The following COLEC10 variants were observed in gnomAD, a reference collection of about 807,000 sequenced individuals.
COLEC10 encodes the protein collectin-10.
In COLEC10, 22 loss-of-function variants were observed where a neutral mutation model predicts 28.4. That is an observed-to-expected ratio of 0.78 (90% confidence interval 0.55 to 1.11). COLEC10 has a LOEUF of 1.11. Among genes scored for constraint, COLEC10 ranks in the 50% least tolerant of loss-of-function variants. COLEC10 has a pLI of 0.00. For synonymous variants in COLEC10, 125 were observed against 116.1 expected, an observed-to-expected ratio of 1.08 and a Z score of -0.49; for missense variants, 361 against 344.1, an observed-to-expected ratio of 1.05 and a Z score of -0.39.
chr8:119,045,836 T>A (rs931282847), intron 2 of COLEC10, among the ~76,000 whole-genome samples: 1 of 152,208 alleles, frequency 6.6e-6, no homozygotes, highest in East Asian at 1.9e-4. Context: ...AATAACTAGT[T>A]TCAGACAGTT....
chr8:119,013,948 C>T (rs1303498003), intron 2 of COLEC10, among the ~76,000 whole-genome samples: 1 of 150,428 alleles, frequency 6.6e-6, no homozygotes, highest in East Asian at 1.9e-4. Flanking sequence ...GTGCAAATAC[C>T]TTATCATAAC....
intron 2 of COLEC10, among the ~76,000 whole-genome samples, chr8:119,039,768 GTCA>G (rs1814459627): frequency 6.6e-6 from 1 of 152,166 alleles, no homozygotes; most frequent in African/African-American, 2.4e-5. Context: ...CATCTTCAAA[GTCA>G]GCAACATCTG....
chr8:118,987,947 T>A, the COLEC10 span, among the ~76,000 whole-genome samples: 1 of 152,204 alleles, frequency 6.6e-6, no homozygotes, highest in African/African-American at 2.4e-5. Flanking sequence ...CTTAGAACAA[T>A]AAAAGCTGAA....
At chr8:119,044,699 A>G (rs952665596) in intron 2 of COLEC10, among the ~76,000 whole-genome samples, 2 of 152,036 alleles carry the variant, frequency 1.3e-5, no homozygotes, top group East Asian at 1.9e-4. Context: ...TACTAAAAAT[A>G]TGAAAATTAG....
intron 2 of COLEC10, among the ~76,000 whole-genome samples, chr8:119,053,306 A>G (rs2130180708): frequency 6.6e-6 from 1 of 152,242 alleles, no homozygotes; most frequent in East Asian, 1.9e-4. Context: ...TGAATAGGAA[A>G]TAAGTCTTCA....
At chr8:119,058,872 T>G (rs765607950) in intron 2 of COLEC10, among the ~76,000 whole-genome samples, 7 of 152,056 alleles carry the variant, frequency 4.6e-5, no homozygotes, top group Non-Finnish European at 1.0e-4. Context: ...ACATTTTACA[T>G]CCATACCAAA....
chr8:119,069,041 A>G (rs1170321288), intron 1 of COLEC10, among the ~76,000 whole-genome samples: 1 of 152,236 alleles, frequency 6.6e-6, no homozygotes, highest in East Asian at 1.9e-4. Context: ...AATACCTACT[A>G]AGATCCAGGC....
intron 2 of COLEC10, among the ~76,000 whole-genome samples, chr8:119,013,524 A>G (rs1221074878): frequency 6.6e-6 from 1 of 150,860 alleles, no homozygotes; most frequent in Non-Finnish European, 1.5e-5. Context: ...CTTATACTAT[A>G]TCCTTACTGA....
intron 1 of COLEC10, among the ~76,000 whole-genome samples, chr8:119,069,447 T>A (rs1587037866): frequency 6.7e-6 from 1 of 150,072 alleles, no homozygotes; most frequent in African/African-American, 2.4e-5. Context: ...ATTAAAATAA[T>A]TTTTTAAAAA....
chr8:119,032,719 G>C (rs530163959), intron 2 of COLEC10, among the ~76,000 whole-genome samples: 64 of 152,138 alleles, frequency 4.2e-4, no homozygotes, highest in Non-Finnish European at 7.1e-4. Context: ...GGCTAACACG[G>C]TGAAACCCCA....
chr8:118,981,868 G>T, the COLEC10 span, among the ~76,000 whole-genome samples: 1 of 152,058 alleles, frequency 6.6e-6, no homozygotes, highest in African/African-American at 2.4e-5. Flanking sequence ...AGTTGCGAAG[G>T]ATTTGCATGA....
At chr8:119,076,828 C>T (rs1905774) in intron 1 of COLEC10, among the ~76,000 whole-genome samples, 109,566 of 152,178 alleles carry the variant, frequency 0.72, 40,537 homozygotes, top group African/African-American at 0.89. Flanking sequence ...GGTGACCAAA[C>T]GACAGGACAA....
chr8:119,043,462 C>T (rs934773960), intron 2 of COLEC10, among the ~76,000 whole-genome samples: 1 of 152,172 alleles, frequency 6.6e-6, no homozygotes, highest in East Asian at 1.9e-4. Context: ...TGTTAAAACA[C>T]CAAAGCCACC....
intron 1 of COLEC10, among the ~76,000 whole-genome samples, chr8:119,006,586 T>C (rs988474498): frequency 6.6e-6 from 1 of 152,066 alleles, no homozygotes; most frequent in African/African-American, 2.4e-5. Flanking sequence ...GTTGGTGTAA[T>C]TAATATTGGT....
the COLEC10 span, among the ~76,000 whole-genome samples, chr8:118,985,359 G>A: frequency 2.0e-5 from 3 of 152,100 alleles, no homozygotes; most frequent in East Asian, 5.8e-4. Context: ...ATGATTCTGC[G>A]ATGATCACTA....
intron 2 of COLEC10, among the ~76,000 whole-genome samples, chr8:119,044,274 T>C (rs1048915855): frequency 2.0e-5 from 3 of 152,256 alleles, no homozygotes; most frequent in African/African-American, 7.2e-5. Context: ...TCAGAAAATG[T>C]ATTCTAAAAC....
chr8:119,105,991 A>G lies in COLEC10; in HGVS notation c.634A>G (p.Asn212Asp), dbSNP rs2130313441. 1 of 1,613,866 alleles carries G rather than the reference A, an allele frequency of 6.2e-7. No homozygotes were observed. The highest frequency in any genetic ancestry group is 8.5e-7 in the Non-Finnish European group (1 of 1,179,880). Reference sequence around the variant, plus strand: ...CTTCTTTCGGGTGTTCATTGGCGTGAATGACCTTGAAAGGGAGGGACAGTA... The same window carrying G: ...CTTCTTTCGGGTGTTCATTGGCGTGGATGACCTTGAAAGGGAGGGACAGTA... ...SGFFRVFIGV[N>D]DLEREGQYMF... is the part of the protein sequence containing the mutation. The change falls in exon 6 of 6, where the codon AAT (asparagine) becomes GAT (aspartate). Residue 212 changes from asparagine (N) to aspartate (D), a missense_variant. Transcript: ENST00000332843.
chr8:118,997,518 C>A (rs773769912), intron 1 of COLEC10, among the ~76,000 whole-genome samples: 5 of 152,160 alleles, frequency 3.3e-5, no homozygotes, highest in Non-Finnish European at 5.9e-5. Flanking sequence ...AATCCTCATG[C>A]TGACCCTTGA....
intron 2 of COLEC10, among the ~76,000 whole-genome samples, chr8:119,055,626 G>A (rs1814746692): frequency 6.6e-6 from 1 of 152,062 alleles, no homozygotes; most frequent in Non-Finnish European, 1.5e-5. Flanking sequence ...TCAGCTATTT[G>A]TCTTAGAGAG....
Sources: allele counts gnomAD v4.1 joint callset (sites outside exome capture counted in the v4.1 genomes callset), GRCh38; gene constraint gnomAD v4.1.1; transcripts MANE v1.5; gene names NCBI Gene and HGNC (gene_info 2026-07-23, HGNC 2026-07-21).